Variants in IL1RAPL1 observed in about 807,000 individuals in gnomAD.
The protein encoded by IL1RAPL1 is interleukin 1 receptor accessory protein like 1.
In IL1RAPL1, 3 loss-of-function variants were observed where a neutral mutation model predicts 48.4. That is an observed-to-expected ratio of 0.06 (90% CI 0.03 to 0.16). IL1RAPL1 has a LOEUF of 0.16. IL1RAPL1 is among the 10% of genes least tolerant of loss of function. The probability of loss-of-function intolerance (pLI) is 1.00; values close to 1 mark genes in which losing one functional copy is unlikely to be tolerated. For synonymous variants in IL1RAPL1, 185 were observed against 187.7 expected (o/e 0.99, Z 0.12); for missense variants, 349 against 530.6 (o/e 0.66, Z 3.36).
chrX:28,636,902 A>G (rs760092257), intron 1 of IL1RAPL1, among the ~76,000 whole-genome samples: 32 of 111,671 alleles, frequency 2.9e-4, no homozygotes, highest in African/African-American at 1.0e-3. Flanking sequence ...ACTTTACACA[A>G]AATCAGAGGT....
chrX:29,586,243 C>T (rs569355209), intron 5 of IL1RAPL1, among the ~76,000 whole-genome samples: 1 of 111,289 alleles, frequency 9.0e-6, no homozygotes, highest in African/African-American at 3.3e-5. Context: ...AACAAGGATC[C>T]CATTTTATGC....
Position 28,755,493 on chromosome X carries a change from A to T in IL1RAPL1, c.-24-33827A>T, listed in dbSNP as rs1344373328. On this transcript the variant is annotated intron_variant, in intron 1 of 10. Coordinates refer to ENST00000378993, the MANE Select transcript of IL1RAPL1 (RefSeq NM_014271.4). ...GGAGCTTCCACCTTGGATAGTGCAG[A>T]TAGAGATCATTTTCATTATTGCAGA... is the stretch of plus-strand genomic sequence containing the variant. 3.6e-5 allele frequency among the ~76,000 whole-genome samples: 4 copies of T among 112,429 alleles called. No homozygotes were observed. In the South Asian group the frequency reaches 1.5e-3, roughly 41 times the overall value.
At chrX:29,366,849 G>C (rs1217231837) in intron 3 of IL1RAPL1, among the ~76,000 whole-genome samples, 2 of 111,158 alleles carry the variant, frequency 1.8e-5, no homozygotes, top group Non-Finnish European at 3.8e-5. Flanking sequence ...TTGCAGGCGT[G>C]AGCCACTGCG....
chrX:29,774,388 G>C (rs1331980573), intron 6 of IL1RAPL1, among the ~76,000 whole-genome samples: 1 of 111,089 alleles, frequency 9.0e-6, no homozygotes, highest in Admixed American at 9.7e-5. Flanking sequence ...TAGTTAAGGA[G>C]TGTTTGTGCA....
intron 2 of IL1RAPL1, among the ~76,000 whole-genome samples, chrX:29,238,748 T>G (rs1931355129): frequency 8.9e-6 from 1 of 112,288 alleles, no homozygotes; most frequent in Non-Finnish European, 1.9e-5. Context: ...GACTTACAAT[T>G]GTTTATCACA....
intron 5 of IL1RAPL1, among the ~76,000 whole-genome samples, chrX:29,582,437 C>T (rs1313104223): frequency 1.1e-5 from 1 of 94,149 alleles, no homozygotes; most frequent in African/African-American, 4.0e-5. Flanking sequence ...TACATGTGCA[C>T]ATTGTGCAGG....
At chrX:29,954,235 CAAAA>C (rs34345826) in intron 9 of IL1RAPL1, among the ~76,000 whole-genome samples, 6 of 30,420 alleles carry the variant, frequency 2.0e-4, no homozygotes, top group African/African-American at 6.0e-4. Flanking sequence ...GACTGTGTCC[CAAAA>C]AAAAAAAAAA....
At chrX:29,124,624 G>A (rs1001881211) in intron 2 of IL1RAPL1, among the ~76,000 whole-genome samples, 2 of 111,976 alleles carry the variant, frequency 1.8e-5, no homozygotes, top group Admixed American at 9.5e-5. Flanking sequence ...CAACGAATTG[G>A]CATTTGAAAT....
In IL1RAPL1 at chrX:29,645,490, A is replaced by G. The variant is rs181148104; in HGVS notation, c.704-22940A>G. 2.6e-3 allele frequency among the ~76,000 whole-genome samples: 287 copies of G among 110,500 alleles called. 2 individuals carry two copies. The highest frequency in any genetic ancestry group is 3.4e-3 in the Non-Finnish European group (182 of 53,089). On this transcript the variant is annotated intron_variant, in intron 5 of 10. Coordinates refer to ENST00000378993, the MANE Select transcript of IL1RAPL1 (RefSeq NM_014271.4). ...GTAAGCATAAGACTTTGCCTGCTAC[A>G]ATGAAATCTAGCATCAGTCAGAATT...
At chrX:29,554,306 G>GA (rs1569337456) in intron 5 of IL1RAPL1, among the ~76,000 whole-genome samples, 1 of 110,425 alleles carries the variant, frequency 9.1e-6, no homozygotes, top group African/African-American at 3.3e-5. Flanking sequence ...AAACTTTTAG[G>GA]AAAAAAAGAT....
intron 2 of IL1RAPL1, among the ~76,000 whole-genome samples, chrX:28,860,609 C>A (rs1254506307): frequency 9.2e-6 from 1 of 109,127 alleles, no homozygotes; most frequent in East Asian, 2.9e-4. Flanking sequence ...AGGCACACAC[C>A]ACCACACCCG....
rs573075934 is a variant in IL1RAPL1 at position 29,051,899 on chromosome X, C to T, written c.83-231039C>T. On this transcript the variant is annotated intron_variant, in intron 2 of 10. Transcript: ENST00000378993. Reference sequence around the variant, plus strand: ...ACTTTTGTCCAGCATCCTGTATTTTCGGCTCTCTTTTAGCGGTGGCAAGCA... The same window carrying T: ...ACTTTTGTCCAGCATCCTGTATTTTTGGCTCTCTTTTAGCGGTGGCAAGCA... 3.2e-4 allele frequency among the ~76,000 whole-genome samples: 36 copies of T among 112,044 alleles called. No homozygotes were observed. The South Asian group carries it at 0.012, about 37-fold the overall frequency.
chrX:29,611,898 C>G (rs987487098), intron 5 of IL1RAPL1, among the ~76,000 whole-genome samples: 1 of 111,013 alleles, frequency 9.0e-6, no homozygotes, highest in Admixed American at 9.6e-5. Context: ...CCTCTTGGAC[C>G]GTCCCCGGCC....
chrX:29,742,002 G>A (rs1928220574), intron 6 of IL1RAPL1, among the ~76,000 whole-genome samples: 1 of 103,548 alleles, frequency 9.7e-6, no homozygotes, highest in Non-Finnish European at 2.0e-5. Context: ...CTCTTAACCA[G>A]CACAGCATTG....
intron 6 of IL1RAPL1, among the ~76,000 whole-genome samples, chrX:29,686,800 C>T (rs773967859): frequency 1.8e-5 from 2 of 109,868 alleles, no homozygotes; most frequent in Non-Finnish European, 3.8e-5. Flanking sequence ...CCTCGTGATC[C>T]GTCCACCTCG....
At chrX:29,268,704 A>G (rs1931994637) in intron 2 of IL1RAPL1, among the ~76,000 whole-genome samples, 1 of 112,049 alleles carries the variant, frequency 8.9e-6, no homozygotes, top group Non-Finnish European at 1.9e-5. Flanking sequence ...AGCTTAGAAT[A>G]AAGTGGGGAA....
At chrX:29,180,215 G>T (rs929336409) in intron 2 of IL1RAPL1, among the ~76,000 whole-genome samples, 33 of 107,511 alleles carry the variant, frequency 3.1e-4, no homozygotes, top group Admixed American at 5.1e-4. Context: ...GAGAACTACT[G>T]TCAAAAAAAA....
Position 28,945,903 on chromosome X carries a change from A to ATATATATG in IL1RAPL1, c.82+156479_82+156480insATATATGT, listed in dbSNP as rs1282562909. 2.2e-4 allele frequency among the ~76,000 whole-genome samples: 21 copies of ATATATATG among 97,652 alleles called. No homozygotes were observed. The East Asian group carries it at 5.6e-3, about 26-fold the overall frequency. The allele number at this position is 97,652 out of a possible 115,157, so 84.8% of individuals were successfully genotyped here. On this transcript the variant is annotated intron_variant, in intron 2 of 10. Coordinates refer to ENST00000378993, the MANE Select transcript of IL1RAPL1 (RefSeq NM_014271.4). ...TATATGTATGTATATATATATATAT[A>ATATATATG]TGTGTGTGTGTGTGTGTGTGTGTAT...
intron 5 of IL1RAPL1, among the ~76,000 whole-genome samples, chrX:29,529,114 T>A (rs946438904): frequency 4.5e-5 from 5 of 111,220 alleles, no homozygotes; most frequent in African/African-American, 1.3e-4. Context: ...TCTGTAGTTT[T>A]AAAAAAATTT....
Sources: gnomAD v4.1 joint callset for allele counts (sites outside exome capture counted in the v4.1 genomes callset) on GRCh38, gnomAD v4.1.1 for gene constraint, MANE v1.5 for transcripts, NCBI Gene and HGNC (gene_info 2026-07-23, HGNC 2026-07-21) for gene names.